Variants in TOP2A observed in about 807,000 individuals in gnomAD.
TOP2A encodes DNA topoisomerase 2-alpha.
Under a neutral mutation model 187.2 loss-of-function variants are expected in TOP2A, and 68 were observed. The observed-to-expected ratio is 0.36, with a 90% CI of 0.30 to 0.44. TOP2A has a LOEUF of 0.44. TOP2A is among the 20% of genes least tolerant of loss of function. TOP2A has a pLI of 1.00. For synonymous variants in TOP2A, 542 were observed against 593.2 expected (o/e 0.91, Z 1.25); for missense variants, 1,196 against 1,808.7 (o/e 0.66, Z 6.14).
At chr17:40,412,681 A>C in intron 7 of TOP2A, 78 bp downstream of exon 7, 1 of 1,139,490 alleles carries the variant, frequency 8.8e-7, no homozygotes, top group Non-Finnish European at 1.3e-6. Context: ...AACATATGGG[A>C]GGGGAAAAAA....
intron 7 of TOP2A, 60 bp downstream of exon 7, chr17:40,412,699 T>C: frequency 7.1e-7 from 1 of 1,399,970 alleles, no homozygotes; most frequent in South Asian, 1.2e-5. Flanking sequence ...AAATTCAATT[T>C]TGCACTTGAC....
intron 10 of TOP2A, chr17:40,409,475 A>C (rs1318459084): frequency 6.7e-6 from 3 of 449,334 alleles, no homozygotes; most frequent in Non-Finnish European, 1.3e-5. Context: ...GAAGACAGAC[A>C]TAGCTGGGTG....
intron 10 of TOP2A, 107 bp from the exon 11 acceptor site, chr17:40,408,737 TA>T (rs1567788744): frequency 8.2e-7 from 1 of 1,212,172 alleles, no homozygotes; most frequent in Non-Finnish European, 1.2e-6. Flanking sequence ...ATTCAAAAAT[TA>T]AAAAGATGTA....
chr17:40,397,033 C>A (rs147817882), intron 27 of TOP2A, among the ~76,000 whole-genome samples: 20 of 151,744 alleles, frequency 1.3e-4, no homozygotes, highest in African/African-American at 4.6e-4. Context: ...TAGGCCCACA[C>A]CACCATGCCT....
At chr17:40,401,827 C>T (rs984228060) in intron 20 of TOP2A, among the ~76,000 whole-genome samples, 4 of 151,818 alleles carry the variant, frequency 2.6e-5, no homozygotes, top group African/African-American at 7.3e-5. Context: ...GAAATGTGCT[C>T]GGTATATTTG....
chr17:40,410,226 A>G (rs919576844), intron 10 of TOP2A, among the ~76,000 whole-genome samples: 5 of 152,222 alleles, frequency 3.3e-5, no homozygotes, highest in Admixed American at 2.6e-4. Flanking sequence ...GGCTTTCCTG[A>G]GGAAAGGACA....
chr17:40,395,431 C>G lies in TOP2A; in HGVS notation c.3811+18G>C, dbSNP rs1171304232. On this transcript the variant is annotated intron_variant, in intron 29 of 34. Coordinates refer to ENST00000423485, the MANE Select transcript of TOP2A (RefSeq NM_001067.4). ...TTAATCTTCACTTTATACCATTTTT[C>G]TAAAAATGTTGTAATACCTGGTTCT... 6.5e-7 allele frequency: 1 copy of G among 1,536,146 alleles called. No homozygotes were observed. Among genetic ancestry groups the G allele is most frequent in the Non-Finnish European group, 8.9e-7 (1 of 1,120,054 alleles).
At chr17:40,408,992 T>C in intron 10 of TOP2A, 1 of 408,284 alleles carries the variant, frequency 2.4e-6, no homozygotes, top group Non-Finnish European at 4.8e-6. Flanking sequence ...GTCAGGAGTT[T>C]GAGACCGGCC....
chr17:40,398,502 TG>T, intron 27 of TOP2A, 55 bp downstream of exon 27: 3 of 1,414,222 alleles, frequency 2.1e-6, no homozygotes, highest in Non-Finnish European at 2.9e-6. Flanking sequence ...GGTATACTGC[TG>T]GAATATATTA....
chr17:40,389,009 CA>C lies in TOP2A; in HGVS notation c.*509del. 4.6e-6 allele frequency: 1 copy of C among 215,880 alleles called. No homozygotes were observed. Among genetic ancestry groups the C allele is most frequent in the Non-Finnish European group, 9.4e-6 (1 of 106,284 alleles). 13.4% of individuals were successfully genotyped at this position (215,880 alleles called of 1,614,324 possible). On this transcript the variant is annotated 3_prime_UTR_variant, in exon 35 of 35. Transcript: ENST00000423485. The stretch of plus-strand genomic sequence containing the variant: ...TCATTGCTTAAAGAAAAACTTGGCA[CA>C]TAAGAGGCTGAGTGTAGTAGAGTAT...
intron 27 of TOP2A, among the ~76,000 whole-genome samples, chr17:40,397,801 G>A (rs1260339066): frequency 1.4e-5 from 2 of 144,396 alleles, no homozygotes; most frequent in Non-Finnish European, 1.5e-5. Context: ...TTTTTGAGAC[G>A]GAGTTCCACT....
intron 24 of TOP2A, among the ~76,000 whole-genome samples, chr17:40,399,574 A>G (rs1393610875): frequency 6.6e-6 from 1 of 151,366 alleles, no homozygotes; most frequent in Admixed American, 6.6e-5. Context: ...TCCTGTAGAC[A>G]TGATTAGTGT....
chr17:40,402,085 C>A (rs1447831309), intron 20 of TOP2A, among the ~76,000 whole-genome samples: 1 of 152,106 alleles, frequency 6.6e-6, no homozygotes, highest in Non-Finnish European at 1.5e-5. Flanking sequence ...TTTTCCAATG[C>A]AGATCCTATA....
intron 27 of TOP2A, 52 bp from the exon 28 acceptor site, chr17:40,396,517 A>G: frequency 1.9e-6 from 3 of 1,576,996 alleles, no homozygotes; most frequent in Non-Finnish European, 2.6e-6. Context: ...AAACATTACA[A>G]TATCTAAACA....
intron 3 of TOP2A, 132 bp downstream of exon 3, chr17:40,416,290 G>A (rs2035389168): frequency 1.4e-6 from 1 of 732,966 alleles, no homozygotes; most frequent in Non-Finnish European, 2.2e-6. Context: ...GAAATGACAG[G>A]AGCCCTGGCT....
At chr17:40,408,375 T>A (rs2035274305) in intron 11 of TOP2A, 117 bp downstream of exon 11, 1 of 1,141,808 alleles carries the variant, frequency 8.8e-7, no homozygotes, top group African/African-American at 1.6e-5. Flanking sequence ...TTTAACAAGT[T>A]ATTCTGTTGA....
At chr17:40,407,886 C>A (rs2035267726) in intron 12 of TOP2A, 81 bp downstream of exon 12, 1 of 1,398,544 alleles carries the variant, frequency 7.2e-7, no homozygotes, top group African/African-American at 1.4e-5. Context: ...TTTTAAAATG[C>A]CTAATGAGGG....
intron 1 of TOP2A, chr17:40,417,505 G>A: frequency 2.9e-6 from 4 of 1,393,768 alleles, no homozygotes; most frequent in South Asian, 3.2e-5. Context: ...GCTGTAACAT[G>A]GATCCACTAC....
At chr17:40,407,440 A>G in intron 13 of TOP2A, 109 bp downstream of exon 13, 2 of 862,078 alleles carry the variant, frequency 2.3e-6, no homozygotes, top group Non-Finnish European at 3.4e-6. Flanking sequence ...AGAGATGATG[A>G]ATAAAGCTCC....
Sources: gnomAD v4.1 joint callset for allele counts (sites outside exome capture counted in the v4.1 genomes callset) on GRCh38, gnomAD v4.1.1 for gene constraint, MANE v1.5 for transcripts, NCBI Gene and HGNC (gene_info 2026-07-23, HGNC 2026-07-21) for gene names.